TCERG1: variants seen among roughly 807,000 people sequenced by gnomAD.
The protein encoded by TCERG1 is TATA box binding protein (TBP)-associated factor, RNA polymerase II, S, 150kD.
TCERG1 carries 37 observed loss-of-function variants against 144.7 expected under a neutral mutation model. That is an observed-to-expected ratio of 0.26 (90% CI 0.20 to 0.34). The LOEUF is 0.34. Ranked by LOEUF, TCERG1 falls within the 10% of genes least tolerant of loss-of-function variation. TCERG1 has a pLI of 1.00. For missense variants in TCERG1, 1,027 were observed against 1,380.7 expected, an observed-to-expected ratio of 0.74 and a Z score of 4.06; for synonymous variants, 492 against 458.2, an observed-to-expected ratio of 1.07 and a Z score of -0.94.
At chr5:146,499,504 C>T (rs978181921) in intron 17 of TCERG1, 1 of 152,172 alleles carries the variant, frequency 6.6e-6, no homozygotes, top group Non-Finnish European at 1.5e-5. Flanking sequence ...TCCTAATTAT[C>T]CGATTTATTG....
chr5:146,464,315 A>G (rs74718697), intron 5 of TCERG1, among the ~76,000 whole-genome samples: 51 of 152,344 alleles, frequency 3.3e-4, no homozygotes, highest in African/African-American at 1.1e-3. Context: ...TGCCCTCCAC[A>G]TCCAGATAGT....
chr5:146,465,361 T>C (rs1763685830), intron 5 of TCERG1, among the ~76,000 whole-genome samples: 2 of 152,306 alleles, frequency 1.3e-5, no homozygotes, highest in Admixed American at 1.3e-4. Flanking sequence ...TTGAACAACT[T>C]TTGCTTTTCT....
intron 15 of TCERG1, among the ~76,000 whole-genome samples, chr5:146,491,419 T>C (rs1194873508): frequency 1.3e-5 from 2 of 152,124 alleles, no homozygotes; most frequent in African/African-American, 4.8e-5. Flanking sequence ...TGCTGGGATC[T>C]AGTGGGTAGA....
intron 15 of TCERG1, among the ~76,000 whole-genome samples, chr5:146,486,606 A>G (rs1765857255): frequency 6.6e-6 from 1 of 152,186 alleles, no homozygotes; most frequent in African/African-American, 2.4e-5. Flanking sequence ...AAGGATACCC[A>G]CTTTCACCAC....
chr5:146,484,632 C>G (rs774141061), intron 15 of TCERG1, among the ~76,000 whole-genome samples: 1 of 152,024 alleles, frequency 6.6e-6, no homozygotes, highest in Non-Finnish European at 1.5e-5. Context: ...GTATTTGCAT[C>G]TTCATTTTAA....
In TCERG1 at chr5:146,509,172, A is replaced by G; in HGVS notation, c.3073A>G (p.Ile1025Val). 1 of 1,602,690 alleles carries G rather than the reference A, an allele frequency of 6.2e-7. No homozygotes were observed. The highest frequency in any genetic ancestry group is 8.5e-7 in the Non-Finnish European group (1 of 1,176,188). ...AAAACAAAGAGAATTTGAAGAATATATCAGAGACAAATATATCACAGCCAA... is the reference window on the plus strand; with the variant it reads ...AAAACAAAGAGAATTTGAAGAATATGTCAGAGACAAATATATCACAGCCAA... Reference protein sequence around the residue: ...RKKQREFEEYIRDKYITAKAD... With the variant: ...RKKQREFEEYVRDKYITAKAD... The change falls in exon 22 of 23, where the codon ATC (isoleucine) becomes GTC (valine). Residue 1025 changes from isoleucine to valine, a missense_variant. Transcript: ENST00000679501.
rs1212429816 is a variant in TCERG1 at position 146,507,847 on chromosome 5, T to C, written c.2962-26T>C. On this transcript the variant is annotated intron_variant, in intron 20 of 22. Coordinates refer to ENST00000679501, the MANE Select transcript of TCERG1 (RefSeq NM_001382548.1). The surrounding 1 kb of genome is among the most constrained non-coding windows in gnomAD (Gnocchi z 4.6). Reference sequence around the variant, plus strand: ...CCTAAGTAAAAGTGAGTTGTATTTATGTTTTTTATTCATGTCTTTTCAAAG... The same window carrying C: ...CCTAAGTAAAAGTGAGTTGTATTTACGTTTTTTATTCATGTCTTTTCAAAG... 4 of 1,543,444 alleles carry C rather than the reference T, an allele frequency of 2.6e-6. No individual in the cohort carries two copies. The highest frequency in any genetic ancestry group is 3.6e-6 in the Non-Finnish European group (4 of 1,122,176).
chr5:146,475,790 T>C (rs551090829), intron 9 of TCERG1, among the ~76,000 whole-genome samples: 3 of 152,172 alleles, frequency 2.0e-5, no homozygotes, highest in African/African-American at 4.8e-5. Context: ...GGGATGCTTA[T>C]AGAGAGATAC....
At chr5:146,450,245 G>C (rs1429439729) in intron 1 of TCERG1, among the ~76,000 whole-genome samples, 1 of 152,230 alleles carries the variant, frequency 6.6e-6, no homozygotes, top group African/African-American at 2.4e-5. Flanking sequence ...GTAGAGGCCA[G>C]AAGTGGGAAA....
chr5:146,463,676 T>C lies in TCERG1; in HGVS notation c.1018T>C (p.Leu340=). The change falls in exon 5 of 23, where the codon TTA becomes CTA. Residue 340 remains leucine (L), a synonymous_variant. Coordinates refer to ENST00000679501, the MANE Select transcript of TCERG1 (RefSeq NM_001382548.1). The part of the protein sequence containing the change: ...QTVPQPHPQT[L]PPAVPHSVPQ... ...CGTTCCCCAGCCGCACCCTCAGACG[T>C]TACCTCCTGCTGTTCCTCATTCAGT... 6.2e-7 allele frequency: 1 copy of C among 1,614,188 alleles called. No homozygotes were observed. The highest frequency in any genetic ancestry group is 8.5e-7 in the Non-Finnish European group (1 of 1,180,022).
chr5:146,485,082 A>G (rs769960649), intron 15 of TCERG1, among the ~76,000 whole-genome samples: 2 of 152,188 alleles, frequency 1.3e-5, no homozygotes, highest in Non-Finnish European at 2.9e-5. Flanking sequence ...AATATTCTAC[A>G]TAGACTTACC....
chr5:146,468,358 A>G lies in TCERG1; in HGVS notation c.1153A>G (p.Ile385Val). The change falls in exon 6 of 23, where the codon ATA becomes GTA. Residue 385 changes from isoleucine (I) to valine (V), a missense_variant. By Grantham distance (29) the Ile-to-Val change is conservative. Coordinates refer to ENST00000679501, the MANE Select transcript of TCERG1 (RefSeq NM_001382548.1). ...IPLPGVAMMQIVSCPYVKTVA... is the reference protein window; with the variant it reads ...IPLPGVAMMQVVSCPYVKTVA... ...TTTTACAGGTGTAGCAATGATGCAA[A>G]TAGTCAGCTGCCCGTATGTAAAGAC... is the stretch of plus-strand genomic sequence containing the variant. 1.2e-6 allele frequency: 2 copies of G among 1,610,398 alleles called. No homozygotes were observed. Among genetic ancestry groups the G allele is most frequent in the Non-Finnish European group, 1.7e-6 (2 of 1,178,290 alleles).
chr5:146,498,465 G>C lies in TCERG1; in HGVS notation c.2283-71G>C, dbSNP rs377572070. 4.7e-6 allele frequency: 7 copies of C among 1,475,522 alleles called. No homozygotes were observed. In the African/African-American group the frequency reaches 5.7e-5, roughly 12 times the overall value. The allele number at this position is 1,475,522 out of a possible 1,614,324, so 91.4% of individuals were successfully genotyped here. A position where few individuals can be genotyped will look rare whatever the true frequency, so the allele number is the denominator to read the frequency against. On this transcript the variant is annotated intron_variant, in intron 16 of 22. Transcript: ENST00000679501. ...GTCATATACTCTTGTTGGAAAAATG[G>C]TATCTTCTGCTATGCCTTTATACAA...
At chr5:146,476,958 C>G (rs1764897324) in intron 9 of TCERG1, among the ~76,000 whole-genome samples, 1 of 152,000 alleles carries the variant, frequency 6.6e-6, no homozygotes, top group African/African-American at 2.4e-5. Flanking sequence ...GATGGAGGGT[C>G]TCACTTTGTT....
At chr5:146,506,051 A>G (rs762485998) in intron 19 of TCERG1, among the ~76,000 whole-genome samples, 2 of 152,192 alleles carry the variant, frequency 1.3e-5, no homozygotes, top group Non-Finnish European at 2.9e-5. Context: ...GATTACAGGC[A>G]TGAGCCACCG....
chr5:146,455,149 A>G lies in TCERG1; in HGVS notation c.153A>G (p.Pro51=). 1 of 1,613,896 alleles carries G rather than the reference A, an allele frequency of 6.2e-7. No homozygotes were observed. The highest frequency in any genetic ancestry group is 8.5e-7 in the Non-Finnish European group (1 of 1,179,972). ...CACCACCTCTGATGCGACCTCCTCC[A>G]CCTTTTGGTATGATGCGAGGCCCTC... ...RGPPPLMRPP[P]PFGMMRGPPP... is the part of the protein sequence containing the mutation. Residue 51 remains proline (P), a synonymous_variant, in exon 2 of 23, where the codon CCA becomes CCG. Coordinates refer to ENST00000679501, the MANE Select transcript of TCERG1 (RefSeq NM_001382548.1).
At chr5:146,471,600 ATTTTT>A in intron 9 of TCERG1, 24 bp downstream of exon 9, 8 of 1,388,698 alleles carry the variant, frequency 5.8e-6, no homozygotes, top group East Asian at 2.7e-5. Context: ...TCAAGTAGTA[ATTTTT>A]TTTTTTTTTT....
intron 1 of TCERG1, among the ~76,000 whole-genome samples, chr5:146,451,012 A>G (rs932488709): frequency 6.6e-6 from 1 of 152,222 alleles, no homozygotes; most frequent in African/African-American, 2.4e-5. Context: ...CAAAAGACGG[A>G]GTCCTAACAG....
At chr5:146,467,076 C>A (rs903136687) in intron 5 of TCERG1, among the ~76,000 whole-genome samples, 1 of 152,064 alleles carries the variant, frequency 6.6e-6, no homozygotes, top group Non-Finnish European at 1.5e-5. Flanking sequence ...ATTCAACATG[C>A]TTTCATGATC....
Sources: allele counts gnomAD v4.1 joint callset (sites outside exome capture counted in the v4.1 genomes callset), GRCh38; gene constraint gnomAD v4.1.1; non-coding constraint Gnocchi (gnomAD v3.1); transcripts MANE v1.5; gene names NCBI Gene and HGNC (gene_info 2026-07-23, HGNC 2026-07-21).